The following CDK6 variants were observed in gnomAD, a reference collection of about 807,000 sequenced individuals.
CDK6 encodes cyclin-dependent kinase 6.
In CDK6, 6 loss-of-function variants were observed where a neutral mutation model predicts 37.1. The observed-to-expected ratio is 0.16, with a 90% CI of 0.09 to 0.32. The LOEUF is 0.32. Ranked by LOEUF, CDK6 falls within the 10% of genes least tolerant of loss-of-function variation. The probability of loss-of-function intolerance (pLI) is 1.00; values close to 1 mark genes in which losing one functional copy is unlikely to be tolerated. For missense variants in CDK6, 224 were observed against 418.9 expected (o/e 0.53, Z 4.06); for synonymous variants, 160 against 161.3 (o/e 0.99, Z 0.06).
intron 3 of CDK6, among the ~76,000 whole-genome samples, chr7:92,758,683 T>C (rs915697423): frequency 6.6e-6 from 1 of 152,172 alleles, no homozygotes; most frequent in African/African-American, 2.4e-5. Context: ...ATGTCTTTGG[T>C]AGTTTAATAG....
At chr7:92,643,314 G>A (rs561768353) in intron 5 of CDK6, among the ~76,000 whole-genome samples, 2 of 152,240 alleles carry the variant, frequency 1.3e-5, no homozygotes, top group Non-Finnish European at 2.9e-5. Context: ...GAGTCTGTAA[G>A]TCCATGAAGA....
intron 3 of CDK6, among the ~76,000 whole-genome samples, chr7:92,758,044 T>C (rs1434602571): frequency 6.6e-6 from 1 of 152,248 alleles, no homozygotes; most frequent in Admixed American, 6.5e-5. Flanking sequence ...TGCTGGATAT[T>C]ATACCTTTGT....
chr7:92,836,109 TGA>T (rs1013473089), intron 1 of CDK6, among the ~76,000 whole-genome samples: 2 of 152,022 alleles, frequency 1.3e-5, no homozygotes, highest in African/African-American at 4.8e-5. Context: ...AATTATTATG[TGA>T]GTGTCCGAGT....
intron 3 of CDK6, among the ~76,000 whole-genome samples, chr7:92,753,394 C>T (rs966329725): frequency 3.3e-5 from 5 of 150,830 alleles, no homozygotes; most frequent in African/African-American, 9.8e-5. Context: ...TTATAAATAC[C>T]GAATGAGGCA....
intron 2 of CDK6, among the ~76,000 whole-genome samples, chr7:92,800,973 T>G (rs1206713026): frequency 6.6e-6 from 1 of 152,148 alleles, no homozygotes; most frequent in Non-Finnish European, 1.5e-5. Context: ...ACTTTATCAT[T>G]TTGTCCAATA....
intron 3 of CDK6, among the ~76,000 whole-genome samples, chr7:92,756,089 A>G (rs1481590918): frequency 6.6e-6 from 1 of 151,760 alleles, no homozygotes; most frequent in Non-Finnish European, 1.5e-5. Context: ...TCACTTAAAA[A>G]GGTGGCTCTG....
Position 92,614,223 on chromosome 7 carries a change from G to T in CDK6, c.*917C>A, listed in dbSNP as rs1277298120. 4.3e-6 allele frequency: 1 copy of T among 232,658 alleles called. No homozygotes were observed. The highest frequency in any genetic ancestry group is 2.2e-5 in the African/African-American group (1 of 45,274). 14.4% of individuals were successfully genotyped at this position (232,658 alleles called of 1,614,324 possible). On this transcript the variant is annotated 3_prime_UTR_variant, in exon 8 of 8. Transcript: ENST00000424848. Reference sequence around the variant, plus strand: ...CAATAACAACAACAAAAAAAGGGAAGAAAGGAATTTCAAACCAGGAAATAA... The same window carrying T: ...CAATAACAACAACAAAAAAAGGGAATAAAGGAATTTCAAACCAGGAAATAA...
At chr7:92,793,198 G>A (rs1435445174) in intron 2 of CDK6, among the ~76,000 whole-genome samples, 6 of 152,086 alleles carry the variant, frequency 3.9e-5, no homozygotes, top group Admixed American at 3.9e-4. Context: ...GAGCTTCAAT[G>A]CAATCCACAT....
chr7:92,726,107 G>GCTCT (rs1798506416), intron 3 of CDK6, among the ~76,000 whole-genome samples: 1 of 152,148 alleles, frequency 6.6e-6, no homozygotes. Context: ...GCTGGGGAGA[G>GCTCT]GAAGGAGGAG....
At chr7:92,743,781 C>T (rs1231516036) in intron 3 of CDK6, among the ~76,000 whole-genome samples, 1 of 152,106 alleles carries the variant, frequency 6.6e-6, no homozygotes, top group African/African-American at 2.4e-5. Flanking sequence ...GAGAGAGGAA[C>T]AAAAATTCAT....
At chr7:92,803,514 G>C (rs1273702153) in intron 2 of CDK6, among the ~76,000 whole-genome samples, 1 of 152,226 alleles carries the variant, frequency 6.6e-6, no homozygotes, top group Non-Finnish European at 1.5e-5. Context: ...AGGCTGGTTG[G>C]AGAGAGCAAG....
intron 6 of CDK6, among the ~76,000 whole-genome samples, chr7:92,622,511 C>T (rs1044069649): frequency 2.6e-5 from 4 of 152,160 alleles, no homozygotes; most frequent in African/African-American, 9.7e-5. Context: ...CTCAAAGTTG[C>T]AGAGTTATTT....
At chr7:92,711,858 A>ATTC (rs1306637669) in intron 4 of CDK6, among the ~76,000 whole-genome samples, 1 of 151,590 alleles carries the variant, frequency 6.6e-6, no homozygotes, top group Non-Finnish European at 1.5e-5. Flanking sequence ...GTTAACCACC[A>ATTC]CACTGGTGGA....
intron 4 of CDK6, among the ~76,000 whole-genome samples, chr7:92,707,373 C>T (rs981504951): frequency 1.3e-5 from 2 of 152,084 alleles, no homozygotes; most frequent in African/African-American, 4.8e-5. Flanking sequence ...AGAATACGTC[C>T]CTTTAACCAT....
intron 3 of CDK6, among the ~76,000 whole-genome samples, chr7:92,741,266 T>C (rs1173026457): frequency 6.6e-6 from 1 of 152,202 alleles, no homozygotes; most frequent in African/African-American, 2.4e-5. Context: ...GAGATATATG[T>C]ACAGGTTTAT....
intron 2 of CDK6, among the ~76,000 whole-genome samples, chr7:92,806,809 C>A (rs139735362): frequency 6.6e-6 from 1 of 152,262 alleles, no homozygotes; most frequent in African/African-American, 2.4e-5. Flanking sequence ...CCTTTACCTG[C>A]GCTTCACTGC....
chr7:92,734,579 T>C lies in CDK6; in HGVS notation c.370-8786A>G, dbSNP rs1798737902. Among the ~76,000 whole-genome samples, 3 of 152,196 alleles carry C rather than the reference T, an allele frequency of 2.0e-5. No individual in the cohort carries two copies. The South Asian group carries it at 6.2e-4, about 32-fold the overall frequency. ...CATTGTACTAATGGGTGTCAATAAA[T>C]GCTCAATGAGTTTTCATAAAGAAGT... On this transcript the variant is annotated intron_variant, in intron 3 of 7. Coordinates refer to ENST00000424848, the MANE Select transcript of CDK6 (RefSeq NM_001145306.2).
At chr7:92,675,161 T>C (rs1331018497) in intron 4 of CDK6, among the ~76,000 whole-genome samples, 1 of 152,212 alleles carries the variant, frequency 6.6e-6, no homozygotes, top group Non-Finnish European at 1.5e-5. Flanking sequence ...TGATTACCCA[T>C]CCTAAAAAAC....
At chr7:92,722,569 G>C (rs1798393305) in intron 4 of CDK6, among the ~76,000 whole-genome samples, 1 of 152,090 alleles carries the variant, frequency 6.6e-6, no homozygotes, top group Non-Finnish European at 1.5e-5. Flanking sequence ...TCAGGACTAG[G>C]GTGCAAAATG....
Sources: gnomAD v4.1 joint callset for allele counts (sites outside exome capture counted in the v4.1 genomes callset) on GRCh38, gnomAD v4.1.1 for gene constraint, MANE v1.5 for transcripts, NCBI Gene and HGNC (gene_info 2026-07-23, HGNC 2026-07-21) for gene names.